Variants in GFRA2 observed in about 807,000 individuals in gnomAD.
GFRA2 encodes the protein GDNF family receptor alpha 2, also known as GDNF family receptor alpha-2.
GFRA2 carries 17 observed loss-of-function variants against 48.3 expected under a neutral mutation model. The ratio of observed to expected loss-of-function variants is 0.35; its 90% CI spans 0.24 to 0.53. The LOEUF (loss-of-function observed/expected upper bound fraction) is 0.53. GFRA2 is among the 20% of genes least tolerant of loss of function. The pLI is 0.93. For synonymous variants in GFRA2, 305 were observed against 257.2 expected, an observed-to-expected ratio of 1.19 and a Z score of -1.78; for missense variants, 660 against 637.3, an observed-to-expected ratio of 1.04 and a Z score of -0.38.
intron 1 of GFRA2, among the ~76,000 whole-genome samples, chr8:21,786,405 G>C (rs915788556): frequency 3.3e-5 from 5 of 152,252 alleles, no homozygotes; most frequent in South Asian, 2.1e-4. Context: ...TAGGCAATCT[G>C]GCTGTTTTGC....
At chr8:21,781,654 C>CA (rs1245395553) in intron 2 of GFRA2, among the ~76,000 whole-genome samples, 5 of 145,814 alleles carry the variant, frequency 3.4e-5, no homozygotes, top group African/African-American at 1.3e-4. Context: ...TATTTATCCG[C>CA]ACCTCCCCAG....
At position 21,693,077 on chromosome 8, in the gene GFRA2, A is replaced by G; in HGVS notation, c.*201T>C. 2.4e-6 allele frequency: 1 copy of G among 423,868 alleles called. No individual in the cohort carries two copies. Among genetic ancestry groups the G allele is most frequent in the South Asian group, 4.2e-5 (1 of 23,956 alleles). 26.3% of individuals were successfully genotyped at this position (423,868 alleles called of 1,614,324 possible). Reference sequence around the variant, plus strand: ...CCAGGGGACCCCTGGGCCAGCTCTCAGGCTGCCTGCCTGCTTGTCTGTTTG... The same window carrying G: ...CCAGGGGACCCCTGGGCCAGCTCTCGGGCTGCCTGCCTGCTTGTCTGTTTG... On this transcript the variant is annotated 3_prime_UTR_variant, in exon 9 of 9. Coordinates refer to ENST00000524240, the MANE Select transcript of GFRA2 (RefSeq NM_001495.5).
At chr8:21,805,789 G>C (rs945374361) in intron 1 of GFRA2, among the ~76,000 whole-genome samples, 5 of 152,178 alleles carry the variant, frequency 3.3e-5, no homozygotes. Flanking sequence ...GACTTGCCAG[G>C]TTAATAATTT....
intron 3 of GFRA2, among the ~76,000 whole-genome samples, chr8:21,773,055 C>T (rs1316892686): frequency 6.6e-6 from 1 of 152,238 alleles, no homozygotes; most frequent in African/African-American, 2.4e-5. Context: ...CAATGGCATC[C>T]TCAACCTGCT....
chr8:21,798,802 C>G (rs1256382670), intron 2 of GFRA2, among the ~76,000 whole-genome samples: 1 of 152,218 alleles, frequency 6.6e-6, no homozygotes, highest in Non-Finnish European at 1.5e-5. Context: ...TGACTCGGTG[C>G]TCCTTTGTAA....
intron 4 of GFRA2, among the ~76,000 whole-genome samples, chr8:21,742,625 A>G (rs1295124440): frequency 6.6e-6 from 1 of 152,224 alleles, no homozygotes; most frequent in Non-Finnish European, 1.5e-5. Context: ...GAACAATGCA[A>G]GACCAGGGTG....
intron 3 of GFRA2, among the ~76,000 whole-genome samples, chr8:21,767,672 G>T (rs1806244129): frequency 6.6e-6 from 1 of 152,084 alleles, no homozygotes; most frequent in Non-Finnish European, 1.5e-5. Flanking sequence ...CACACGGAAG[G>T]AGAAGCAGGC....
chr8:21,704,954 G>A, intron 6 of GFRA2, 31 bp downstream of exon 6: 1 of 1,569,746 alleles, frequency 6.4e-7, no homozygotes, highest in Non-Finnish European at 8.7e-7. Context: ...GGGAGGGGCT[G>A]CTGGGGTTGG....
At chr8:21,742,073 T>G (rs1804773580) in intron 4 of GFRA2, among the ~76,000 whole-genome samples, 2 of 151,328 alleles carry the variant, frequency 1.3e-5, no homozygotes, top group Admixed American at 1.3e-4. Flanking sequence ...TTCTAAAGAG[T>G]GTCTGGAAAA....
chr8:21,729,157 G>A (rs1410365124), intron 4 of GFRA2, among the ~76,000 whole-genome samples: 1 of 152,162 alleles, frequency 6.6e-6, no homozygotes, highest in Non-Finnish European at 1.5e-5. Flanking sequence ...TTCTGGCTGA[G>A]CTGTGGGGCA....
intron 4 of GFRA2, among the ~76,000 whole-genome samples, chr8:21,739,263 A>C (rs4073433): frequency 0.066 from 10,051 of 152,230 alleles, 431 homozygotes; most frequent in Middle Eastern, 0.14. Context: ...GGAGGATGCC[A>C]GTAGTGATCT....
chr8:21,766,744 G>C (rs1806174604), intron 3 of GFRA2, among the ~76,000 whole-genome samples: 2 of 2,524 alleles, frequency 7.9e-4, no homozygotes, highest in South Asian at 0.012. Flanking sequence ...CTCCCTCCCT[G>C]TCCCTCCTTC....
At chr8:21,788,941 C>T (rs547538702), upstream of GFRA2, 21 of 369,442 alleles carry the variant, frequency 5.7e-5, no homozygotes, top group South Asian at 1.8e-3. Flanking sequence ...CCGCCCCCTT[C>T]TCCCTTCGCG....
chr8:21,737,051 A>G (rs563317462), intron 4 of GFRA2, among the ~76,000 whole-genome samples: 4 of 152,106 alleles, frequency 2.6e-5, no homozygotes, highest in South Asian at 2.1e-4. Context: ...CCCTTCCCCA[A>G]TACTCCTCTG....
At position 21,757,962 on chromosome 8, in the gene GFRA2, C is replaced by T. The variant is rs191293465; in HGVS notation, c.440-7020G>A. 1.5e-3 allele frequency among the ~76,000 whole-genome samples: 236 copies of T among 152,272 alleles called. 3 individuals are homozygous for T. The highest frequency in any genetic ancestry group is 5.2e-3 in the African/African-American group (214 of 41,550). The stretch of plus-strand genomic sequence containing the variant: ...TGCAATAAAGATAAAAATACATATT[C>T]GTCGGCCCCATCTCCCATTCTAGCA... On this transcript the variant is annotated intron_variant, in intron 3 of 8. Transcript: ENST00000524240.
rs376139735 is a variant in GFRA2, at chr8:21,691,744, T to G, written c.*1534A>C. ...GGGAGCCACAGGCATTTGCGCCAAC[T>G]GGAGAAGTGAGCAAAGAGGGAACAG... On this transcript the variant is annotated 3_prime_UTR_variant, in exon 9 of 9. Coordinates refer to ENST00000524240, the MANE Select transcript of GFRA2 (RefSeq NM_001495.5). The G allele has an allele frequency of 6.6e-6, 1 of 152,230 alleles. No individual in the cohort carries two copies. Among genetic ancestry groups the G allele is most frequent in the South Asian group, 2.1e-4 (1 of 4,830 alleles). 9.4% of individuals were successfully genotyped at this position (152,230 alleles called of 1,614,324 possible).
intron 8 of GFRA2, among the ~76,000 whole-genome samples, chr8:21,694,195 T>C (rs1021469547): frequency 1.3e-5 from 2 of 150,914 alleles, no homozygotes; most frequent in Non-Finnish European, 3.0e-5. Flanking sequence ...TCGACACAAC[T>C]GTCTTAAGAG....
rs1276285439 is a variant in GFRA2, at chr8:21,782,617, A to T, written c.323T>A (p.Ile108Asn). 2 of 1,584,772 alleles carry T rather than the reference A, an allele frequency of 1.3e-6. No homozygotes were observed. The highest frequency in any genetic ancestry group is 2.7e-5 in the African/African-American group (2 of 74,228). Residue 108 changes from isoleucine (I) to asparagine (N), a missense_variant, in exon 2 of 9, where the codon ATC becomes AAC. Transcript: ENST00000524240. ...GMKKELQCLQ[I>N]YWSIHLGLTE... ...CAGCCCCAGGTGGATGCTCCAGTAG[A>T]TCTGCAGACACTGCAGCTCCTTCTT...
Position 21,747,787 on chromosome 8 carries a change from CACACACACACACACGCAT to C in GFRA2, c.794+2783_794+2800del, listed in dbSNP as rs1460853234. ...ACACACACACACACACACACACACA[CACACACACACACACGCAT>C]GCACACACATAAACATGCACATGCA... On this transcript the variant is annotated intron_variant, in intron 4 of 8. Coordinates refer to ENST00000524240, the MANE Select transcript of GFRA2 (RefSeq NM_001495.5). Among the ~76,000 whole-genome samples, 22 of 151,912 alleles carry C rather than the reference CACACACACACACACGCAT, an allele frequency of 1.4e-4. 1 individual carries two copies. Among genetic ancestry groups the C allele is most frequent in the South Asian group, 1.0e-3 (5 of 4,806 alleles).
Sources: gnomAD v4.1 joint callset for allele counts (sites outside exome capture counted in the v4.1 genomes callset) on GRCh38, gnomAD v4.1.1 for gene constraint, MANE v1.5 for transcripts, NCBI Gene and HGNC (gene_info 2026-07-23, HGNC 2026-07-21) for gene names.